KCNH8: variants seen among roughly 807,000 people sequenced by gnomAD.
KCNH8 encodes the protein voltage-gated delayed rectifier potassium channel KCNH8.
Under a neutral mutation model 103.6 loss-of-function variants are expected in KCNH8, and 70 were observed. That is an observed-to-expected ratio of 0.68 (90% confidence interval 0.56 to 0.82). The LOEUF (loss-of-function observed/expected upper bound fraction) is 0.82, where lower values mean the gene tolerates loss of function less well. Ranked by LOEUF, KCNH8 falls within the 40% of genes least tolerant of loss-of-function variation. KCNH8 has a pLI of 0.00. For missense variants in KCNH8, 1,217 were observed against 1,329.9 expected, an observed-to-expected ratio of 0.92 and a Z score of 1.32; for synonymous variants, 498 against 489.4, an observed-to-expected ratio of 1.02 and a Z score of -0.23.
intron 12 of KCNH8, 42 bp downstream of exon 12, chr3:19,510,443 G>T: frequency 1.7e-6 from 2 of 1,200,928 alleles, no homozygotes; most frequent in Admixed American, 3.4e-5. Context: ...TCTAAAATCT[G>T]GAGGATTACC....
At chr3:19,476,470 G>A (rs752526203) in intron 11 of KCNH8, among the ~76,000 whole-genome samples, 7 of 152,028 alleles carry the variant, frequency 4.6e-5, no homozygotes, top group Non-Finnish European at 1.0e-4. Context: ...TTATGAAACC[G>A]TCTATTGTGT....
At chr3:19,466,642 GCAATA>G (rs1180920838) in intron 11 of KCNH8, among the ~76,000 whole-genome samples, 1 of 132,124 alleles carries the variant, frequency 7.6e-6, no homozygotes, top group Non-Finnish European at 1.6e-5. Context: ...ACATTTTGTA[GCAATA>G]CATTTTTTTT....
chr3:19,206,639 A>G (rs1222295913), intron 1 of KCNH8, among the ~76,000 whole-genome samples: 1 of 151,918 alleles, frequency 6.6e-6, no homozygotes, highest in Non-Finnish European at 1.5e-5. Context: ...TAGGATTTTG[A>G]GCAATATTTC....
At chr3:19,251,294 GAATT>G (rs1219521209) in intron 1 of KCNH8, among the ~76,000 whole-genome samples, 1 of 151,762 alleles carries the variant, frequency 6.6e-6, no homozygotes, top group Non-Finnish European at 1.5e-5. Flanking sequence ...AAGTGTGAGA[GAATT>G]AATTATGAGT....
chr3:19,283,735 G>C (rs1217462231), intron 3 of KCNH8, among the ~76,000 whole-genome samples: 1 of 151,208 alleles, frequency 6.6e-6, no homozygotes, highest in Non-Finnish European at 1.5e-5. Flanking sequence ...GAGCAACATA[G>C]GGAGACTCTG....
chr3:19,259,749 G>A (rs558056172), intron 2 of KCNH8, among the ~76,000 whole-genome samples: 13 of 146,542 alleles, frequency 8.9e-5, no homozygotes, highest in East Asian at 8.1e-4. Context: ...ACATATATAT[G>A]TACATATATA....
intron 2 of KCNH8, 59 bp downstream of exon 2, chr3:19,253,946 C>A: frequency 8.5e-7 from 1 of 1,182,968 alleles, no homozygotes; most frequent in Non-Finnish European, 1.3e-6. Flanking sequence ...TTCTTTCAAC[C>A]TAGTAATTGC....
intron 5 of KCNH8, among the ~76,000 whole-genome samples, chr3:19,368,959 C>A (rs917453789): frequency 6.6e-6 from 1 of 151,932 alleles, no homozygotes; most frequent in African/African-American, 2.4e-5. Context: ...AGACTCCCTT[C>A]TGGTTTTTCT....
chr3:19,477,424 CTTTTT>C (rs898684189), intron 11 of KCNH8, among the ~76,000 whole-genome samples: 2 of 131,020 alleles, frequency 1.5e-5, no homozygotes, highest in Admixed American at 1.6e-4. Flanking sequence ...TTTTGGTTTT[CTTTTT>C]TTTTTTTTAA....
intron 11 of KCNH8, among the ~76,000 whole-genome samples, chr3:19,463,884 A>G (rs1403986372): frequency 6.6e-6 from 1 of 152,160 alleles, no homozygotes; most frequent in Non-Finnish European, 1.5e-5. Flanking sequence ...GGTGCATAAC[A>G]GAATTCTGTA....
intron 1 of KCNH8, among the ~76,000 whole-genome samples, chr3:19,226,060 T>TG (rs1413669200): frequency 5.3e-5 from 8 of 152,344 alleles, no homozygotes; most frequent in African/African-American, 1.7e-4. Flanking sequence ...CTTGACCATA[T>TG]GGGGCTTCCC....
chr3:19,334,903 A>G (rs1319189736), intron 3 of KCNH8, among the ~76,000 whole-genome samples: 1 of 152,054 alleles, frequency 6.6e-6, no homozygotes, highest in Non-Finnish European at 1.5e-5. Context: ...ATTGTAGTTA[A>G]GCTTATAAAA....
At chr3:19,294,489 C>A (rs1450571165) in intron 3 of KCNH8, among the ~76,000 whole-genome samples, 1 of 152,052 alleles carries the variant, frequency 6.6e-6, no homozygotes, top group Non-Finnish European at 1.5e-5. Context: ...TACTTTATCC[C>A]AGGAAATAGA....
chr3:19,229,902 C>A (rs113294666), intron 1 of KCNH8, among the ~76,000 whole-genome samples: 4,201 of 152,212 alleles, frequency 0.028, 192 homozygotes, highest in African/African-American at 0.094. Context: ...TCTACTGGTA[C>A]CAATTTACTG....
At chr3:19,170,617 CACACATATATATAT>C (rs2063332810) in intron 1 of KCNH8, among the ~76,000 whole-genome samples, 1 of 136,854 alleles carries the variant, frequency 7.3e-6, no homozygotes, top group African/African-American at 3.2e-5. Context: ...TATGTATACA[CACACATATATATAT>C]ACACACATAT....
At chr3:19,390,784 C>T in intron 6 of KCNH8, 146 bp downstream of exon 6, 3 of 652,226 alleles carry the variant, frequency 4.6e-6, no homozygotes, top group Non-Finnish European at 7.4e-6. Flanking sequence ...ATATGCAGGC[C>T]AGATTCTTCA....
chr3:19,370,692 C>T (rs988223285), intron 5 of KCNH8, among the ~76,000 whole-genome samples: 13 of 152,160 alleles, frequency 8.5e-5, no homozygotes, highest in Non-Finnish European at 1.8e-4. Flanking sequence ...ATGTGCCATG[C>T]TGGTGCACTG....
chr3:19,435,171 G>C (rs1250647247), intron 7 of KCNH8, among the ~76,000 whole-genome samples: 1 of 151,712 alleles, frequency 6.6e-6, no homozygotes, highest in Non-Finnish European at 1.5e-5. Context: ...TACAATTTTT[G>C]TTTATCAATT....
chr3:19,200,494 A>G (rs1000619256), intron 1 of KCNH8, among the ~76,000 whole-genome samples: 1 of 151,882 alleles, frequency 6.6e-6, no homozygotes, highest in Non-Finnish European at 1.5e-5. Flanking sequence ...TACTACATAG[A>G]CAGTTGTGAT....
Sources: gnomAD v4.1 joint callset for allele counts (sites outside exome capture counted in the v4.1 genomes callset) on GRCh38, gnomAD v4.1.1 for gene constraint, MANE v1.5 for transcripts, NCBI Gene and HGNC (gene_info 2026-07-23, HGNC 2026-07-21) for gene names.